POFUT3: variants seen among roughly 807,000 people sequenced by gnomAD.
POFUT3 encodes the protein GDP-fucose protein O-fucosyltransferase 3.
At chr8:33,353,482 A>G in the POFUT3 span, among the ~76,000 whole-genome samples, 71 of 152,312 alleles carry the variant, frequency 4.7e-4, no homozygotes, top group African/African-American at 1.6e-3. Context: ...TTCTACAGCC[A>G]TCCCCCTCCT....
the POFUT3 span, among the ~76,000 whole-genome samples, chr8:33,331,829 C>A: frequency 2.0e-5 from 3 of 151,998 alleles, no homozygotes; most frequent in Non-Finnish European, 4.4e-5. Flanking sequence ...GCGCCCGCCA[C>A]CACGCCCGGC....
chr8:33,447,404 G>C, the POFUT3 span, among the ~76,000 whole-genome samples: 90 of 151,992 alleles, frequency 5.9e-4, no homozygotes, highest in African/African-American at 1.6e-3. Context: ...AGCCGAGATC[G>C]TGCCACTGCA....
At chr8:33,406,408 C>T in the POFUT3 span, among the ~76,000 whole-genome samples, 1 of 152,000 alleles carries the variant, frequency 6.6e-6, no homozygotes, top group Non-Finnish European at 1.5e-5. Flanking sequence ...GACTGATTTT[C>T]ATTTACCATG....
chr8:33,461,151 T>G, the POFUT3 span, among the ~76,000 whole-genome samples: 1 of 124,056 alleles, frequency 8.1e-6, no homozygotes, highest in Non-Finnish European at 1.6e-5. Context: ...TGGTACTGTG[T>G]CGAAAGGAGT....
chr8:33,349,581 A>G, the POFUT3 span, among the ~76,000 whole-genome samples: 3 of 151,698 alleles, frequency 2.0e-5, no homozygotes, highest in Non-Finnish European at 4.4e-5. Context: ...ATGGTCTCCA[A>G]CTCCATACAA....
chr8:33,429,788 G>A, the POFUT3 span, among the ~76,000 whole-genome samples: 1 of 152,092 alleles, frequency 6.6e-6, no homozygotes, highest in East Asian at 1.9e-4. Context: ...TTGAGGCCAG[G>A]AGTTTGAGGC....
the POFUT3 span, among the ~76,000 whole-genome samples, chr8:33,432,492 AAC>A: frequency 6.6e-6 from 1 of 152,194 alleles, no homozygotes; most frequent in Non-Finnish European, 1.5e-5. Flanking sequence ...ATGGGTAAGA[AAC>A]AAAATGCTGT....
the POFUT3 span, among the ~76,000 whole-genome samples, chr8:33,331,723 T>A: frequency 6.6e-6 from 1 of 152,050 alleles, no homozygotes; most frequent in Non-Finnish European, 1.5e-5. Context: ...TCGCCCAGGC[T>A]GGAGTGCAGT....
chr8:33,331,663 T>TTTGTTGTTGTTGTTG, the POFUT3 span, among the ~76,000 whole-genome samples: 310 of 151,414 alleles, frequency 2.0e-3, 1 homozygote, highest in African/African-American at 7.2e-3. Context: ...CTCTAAAGAT[T>TTTGTTGTTGTTGTTG]TTGTTGTTGT....
chr8:33,411,055 AC>A, the POFUT3 span, among the ~76,000 whole-genome samples: 1 of 152,202 alleles, frequency 6.6e-6, no homozygotes, highest in Non-Finnish European at 1.5e-5. Context: ...CAGATGCCAA[AC>A]CTTGAAAATA....
the POFUT3 span, among the ~76,000 whole-genome samples, chr8:33,459,333 T>A: frequency 2.7e-5 from 4 of 150,716 alleles, no homozygotes; most frequent in Non-Finnish European, 5.9e-5. Context: ...AAAGCAAAAC[T>A]CCACTCAAAA....
chr8:33,440,657 T>C, the POFUT3 span, among the ~76,000 whole-genome samples: 11 of 151,612 alleles, frequency 7.3e-5, no homozygotes, highest in African/African-American at 2.4e-4. Flanking sequence ...TTCACACAGA[T>C]GCAAACCATC....
the POFUT3 span, among the ~76,000 whole-genome samples, chr8:33,463,106 G>A: frequency 6.6e-6 from 1 of 152,108 alleles, no homozygotes; most frequent in African/African-American, 2.4e-5. Context: ...CTGAGTCTAA[G>A]TCAGACCTAC....
the POFUT3 span, among the ~76,000 whole-genome samples, chr8:33,379,476 G>A: frequency 6.6e-6 from 1 of 151,864 alleles, no homozygotes; most frequent in South Asian, 2.1e-4. Context: ...AACAGAACCA[G>A]ACTCACAAAT....
chr8:33,410,486 C>G, the POFUT3 span, among the ~76,000 whole-genome samples: 72 of 152,154 alleles, frequency 4.7e-4, no homozygotes, highest in African/African-American at 1.7e-3. Flanking sequence ...CTGGTGGTGA[C>G]TGTGAGACAG....
At chr8:33,354,328 G>A in the POFUT3 span, among the ~76,000 whole-genome samples, 1 of 152,148 alleles carries the variant, frequency 6.6e-6, no homozygotes, top group South Asian at 2.1e-4. Context: ...GAGGAGGGTT[G>A]GTGGTGTAAT....
At chr8:33,459,478 A>G in the POFUT3 span, among the ~76,000 whole-genome samples, 8 of 151,584 alleles carry the variant, frequency 5.3e-5, no homozygotes, top group Non-Finnish European at 8.8e-5. Flanking sequence ...CATCTCTACA[A>G]AAAAATTAGA....
the POFUT3 span, among the ~76,000 whole-genome samples, chr8:33,437,428 C>T: frequency 2.0e-5 from 3 of 151,432 alleles, no homozygotes; most frequent in Non-Finnish European, 2.9e-5. Context: ...TTTCAAGACA[C>T]TTTTATTGGA....
chr8:33,320,661 GAT>G, the POFUT3 span, among the ~76,000 whole-genome samples: 1 of 152,110 alleles, frequency 6.6e-6, no homozygotes, highest in East Asian at 1.9e-4. Context: ...GAACGATTAA[GAT>G]AGTGCACTTA....
Sources: gnomAD v4.1 joint callset for allele counts (sites outside exome capture counted in the v4.1 genomes callset) on GRCh38, gnomAD v4.1.1 for gene constraint, MANE v1.5 for transcripts, NCBI Gene and HGNC (gene_info 2026-07-23, HGNC 2026-07-21) for gene names.